The following NEK4 variants were observed in gnomAD, a reference collection of about 807,000 sequenced individuals.
The protein encoded by NEK4 is NIMA related kinase 4, also known as serine/threonine-protein kinase Nek4.
NEK4 carries 86 observed loss-of-function variants against 98.4 expected under a neutral mutation model. The observed-to-expected ratio is 0.87, with a 90% CI of 0.73 to 1.05. NEK4 has a LOEUF of 1.05. Among genes scored for constraint, NEK4 ranks in the 50% least tolerant of loss-of-function variants. NEK4 has a pLI of 0.00. For synonymous variants in NEK4, 328 were observed against 342.2 expected (o/e 0.96, Z 0.46); for missense variants, 898 against 950.3 (o/e 0.94, Z 0.72).
intron 15 of NEK4, among the ~76,000 whole-genome samples, chr3:52,725,604 G>A (rs2097363834): frequency 6.6e-6 from 1 of 152,054 alleles, no homozygotes. Context: ...GGGCAGAGCT[G>A]TTAAAAGGGT....
chr3:52,711,629 T>G lies in NEK4; in HGVS notation c.*148A>C. 1.6e-6 allele frequency: 1 copy of G among 609,168 alleles called. No homozygotes were observed. Among genetic ancestry groups the G allele is most frequent in the Non-Finnish European group, 3.0e-6 (1 of 337,136 alleles). The allele number at this position is 609,168 out of a possible 1,614,324, so 37.7% of individuals were successfully genotyped here. A position where few individuals can be genotyped will look rare whatever the true frequency, so the allele number is the denominator to read the frequency against. On this transcript the variant is annotated 3_prime_UTR_variant, in exon 16 of 16. Coordinates refer to ENST00000233027, the MANE Select transcript of NEK4 (RefSeq NM_003157.6). ...TCATATTATTCTGTTCTGTCCAATT[T>G]CTTTTCTGTAGGGAAACGCCAAAGA...
chr3:52,753,564 G>T, intron 6 of NEK4: 1 of 541,790 alleles, frequency 1.8e-6, no homozygotes, highest in Non-Finnish European at 3.7e-6. Context: ...GCTCTACATG[G>T]AAACGATCTG....
At chr3:52,768,645 G>GT (rs769703548) in intron 1 of NEK4, 41 bp from the exon 2 acceptor site, 8 of 1,595,772 alleles carry the variant, frequency 5.0e-6, no homozygotes, top group Middle Eastern at 1.7e-4. Context: ...GCAAATAAAC[G>GT]TAAGATTTGT....
chr3:52,732,764 G>C (rs1271446815), intron 15 of NEK4: 1 of 268,988 alleles, frequency 3.7e-6, no homozygotes, highest in African/African-American at 2.3e-5. Flanking sequence ...GAGACAAAGC[G>C]AGAGCTCTGG....
Position 52,711,713 on chromosome 3 carries a change from G to A in NEK4, c.*64C>T. 2 of 1,002,638 alleles carry A rather than the reference G, an allele frequency of 2.0e-6. No individual in the cohort carries two copies. The highest frequency in any genetic ancestry group is 3.2e-6 in the Non-Finnish European group (2 of 633,010). 62.1% of individuals were successfully genotyped at this position (1,002,638 alleles called of 1,614,324 possible). On this transcript the variant is annotated 3_prime_UTR_variant, in exon 16 of 16. Transcript: ENST00000233027. Reference sequence around the variant, plus strand: ...GGCTTCCAAATGACTGTTTGCCCTTGCTTTTTAAGCCAAAATCCTCTAAAA... The same window carrying A: ...GGCTTCCAAATGACTGTTTGCCCTTACTTTTTAAGCCAAAATCCTCTAAAA...
chr3:52,752,933 T>TATATATATATATACACACACACAC (rs148965312), intron 6 of NEK4, among the ~76,000 whole-genome samples: 92 of 75,408 alleles, frequency 1.2e-3, no homozygotes, highest in Non-Finnish European at 1.9e-3. Context: ...TATATATATA[T>TATATATATATATACACACACACAC]ACACACACAC....
At chr3:52,769,553 A>G (rs1294981144) in intron 1 of NEK4, among the ~76,000 whole-genome samples, 81 of 152,188 alleles carry the variant, frequency 5.3e-4, no homozygotes, top group Non-Finnish European at 7.3e-5. Flanking sequence ...CTAGTTCCCT[A>G]TCATCAGCCC....
rs140728965 is a variant in NEK4 at position 52,709,131 on chromosome 3, C to T, written c.*2646G>A. 2,056 of 151,442 alleles carry T rather than the reference C, an allele frequency of 0.014. 18 individuals are homozygous for T. Among genetic ancestry groups the T allele is most frequent in the South Asian group, 0.035 (166 of 4,788 alleles). The allele number at this position is 151,442 out of a possible 1,614,324, so 9.4% of individuals were successfully genotyped here. On this transcript the variant is annotated 3_prime_UTR_variant, in exon 16 of 16. Coordinates refer to ENST00000233027, the MANE Select transcript of NEK4 (RefSeq NM_003157.6). Reference sequence around the variant, plus strand: ...CCCAGGAGGCGTAGGCTGCAGTGAGCCAAGATCGCACCACTGTACTCCAGC... The same window carrying T: ...CCCAGGAGGCGTAGGCTGCAGTGAGTCAAGATCGCACCACTGTACTCCAGC...
intron 15 of NEK4, among the ~76,000 whole-genome samples, chr3:52,726,379 AC>A (rs1188794653): frequency 6.6e-6 from 1 of 152,046 alleles, no homozygotes; most frequent in Non-Finnish European, 1.5e-5. Flanking sequence ...CAGGTGAATC[AC>A]GAGCTCAGGA....
At position 52,721,770 on chromosome 3, in the gene NEK4, G is replaced by A. The variant is rs181638050; in HGVS notation, c.2434-9901C>T. On this transcript the variant is annotated intron_variant, in intron 15 of 15. Transcript: ENST00000233027. ...AAAAAAAAGTAACCACATTTACAGG[G>A]GAATTTGGAAAGTTACCATGCATGT... Among the ~76,000 whole-genome samples, 199 of 152,048 alleles carry A rather than the reference G, an allele frequency of 1.3e-3. 3 individuals carry two copies. Among genetic ancestry groups the A allele is most frequent in the African/African-American group, 4.2e-3 (174 of 41,482 alleles).
rs561378068 is a variant in NEK4 at position 52,760,618 on chromosome 3, A to G, written c.963+177T>C. Among the ~76,000 whole-genome samples, 23 of 152,382 alleles carry G rather than the reference A, an allele frequency of 1.5e-4. No homozygotes were observed. The East Asian group carries it at 4.0e-3, about 27-fold the overall frequency. ...GACTTTGTGAACAATTTGACAGCCCAATTTGGATAAAGCTAAATCAATCAC... is the reference window on the plus strand; with the variant it reads ...GACTTTGTGAACAATTTGACAGCCCGATTTGGATAAAGCTAAATCAATCAC... On this transcript the variant is annotated intron_variant, in intron 6 of 15. Transcript: ENST00000233027.
chr3:52,767,704 A>G (rs999904297), intron 2 of NEK4, among the ~76,000 whole-genome samples: 4 of 152,026 alleles, frequency 2.6e-5, no homozygotes, highest in African/African-American at 9.7e-5. Context: ...GATAACAAAA[A>G]CAAAACTCCG....
chr3:52,748,359 G>A (rs1005507458), intron 8 of NEK4, among the ~76,000 whole-genome samples: 1 of 152,016 alleles, frequency 6.6e-6, no homozygotes, highest in Non-Finnish European at 1.5e-5. Context: ...ACAAAATGCC[G>A]ACATCAGTTA....
intron 12 of NEK4, 112 bp from the exon 13 acceptor site, chr3:52,741,611 T>C (rs1345918235): frequency 1.6e-6 from 1 of 612,672 alleles, no homozygotes; most frequent in Non-Finnish European, 2.9e-6. Context: ...AGGTGCAATA[T>C]AACAGGAGAA....
At chr3:52,749,553 G>C (rs1195404883) in intron 8 of NEK4, 139 bp downstream of exon 8, 1 of 154,146 alleles carries the variant, frequency 6.5e-6, no homozygotes, top group African/African-American at 2.4e-5. Flanking sequence ...GATGCTCAAG[G>C]CTGGGCACGG....
At chr3:52,737,782 T>G in intron 14 of NEK4, 63 bp from the exon 15 acceptor site, 14 of 1,195,452 alleles carry the variant, frequency 1.2e-5, no homozygotes, top group Non-Finnish European at 1.6e-5. Flanking sequence ...GCAAGAACAC[T>G]GCAATTTTTT....
chr3:52,759,226 G>GT (rs1198539455), intron 6 of NEK4, among the ~76,000 whole-genome samples: 1 of 151,230 alleles, frequency 6.6e-6, no homozygotes, highest in Non-Finnish European at 1.5e-5. Flanking sequence ...GGGCAACATA[G>GT]TAAGACATTG....
chr3:52,741,793 T>C (rs2097386700), intron 12 of NEK4, among the ~76,000 whole-genome samples: 1 of 152,164 alleles, frequency 6.6e-6, no homozygotes, highest in Admixed American at 6.5e-5. Flanking sequence ...ATTTTTGTGT[T>C]TTTTTGAGAC....
At chr3:52,720,394 G>A (rs1022004044) in intron 15 of NEK4, among the ~76,000 whole-genome samples, 1 of 152,058 alleles carries the variant, frequency 6.6e-6, no homozygotes, top group Non-Finnish European at 1.5e-5. Flanking sequence ...CAAATTTATT[G>A]AAAAACATTG....
Sources: gnomAD v4.1 joint callset for allele counts (sites outside exome capture counted in the v4.1 genomes callset) on GRCh38, gnomAD v4.1.1 for gene constraint, MANE v1.5 for transcripts, NCBI Gene and HGNC (gene_info 2026-07-23, HGNC 2026-07-21) for gene names.